The following CDH13 variants were observed in gnomAD, a reference collection of about 807,000 sequenced individuals.
CDH13 encodes cadherin 13.
In CDH13, 24 loss-of-function variants were observed where a neutral mutation model predicts 63.8. The observed-to-expected ratio is 0.38, with a 90% CI of 0.27 to 0.53. The LOEUF (loss-of-function observed/expected upper bound fraction) is 0.53. Ranked by LOEUF, CDH13 falls within the 20% of genes least tolerant of loss-of-function variation. The pLI is 0.85. For missense variants in CDH13, 1,049 were observed against 903.1 expected, an observed-to-expected ratio of 1.16 and a Z score of -2.07; for synonymous variants, 503 against 355.3, an observed-to-expected ratio of 1.42 and a Z score of -4.67.
At position 82,851,708 on chromosome 16, in the gene CDH13, C is replaced by G. The variant is rs145585185; in HGVS notation, c.46-6654C>G. Among the ~76,000 whole-genome samples the G allele has an allele frequency of 3.2e-3, 480 of 151,894 alleles. 6 individuals are homozygous for G. The highest frequency in any genetic ancestry group is 0.01 in the African/African-American group (434 of 41,444). On this transcript the variant is annotated intron_variant, in intron 1 of 13. Transcript: ENST00000567109. ...GTGTGTGTGTGTGTGTGTGCATGCA[C>G]ATGTCCTGGAATGCTCCATTCCTCC...
chr16:82,931,513 C>CTTTTTT (rs11442675), intron 2 of CDH13, among the ~76,000 whole-genome samples: 70 of 144,394 alleles, frequency 4.8e-4, no homozygotes, highest in African/African-American at 1.8e-3. Flanking sequence ...AGGTCCCCCC[C>CTTTTTT]TTTTTTTTTT....
chr16:82,978,912 A>G (rs1909888155), intron 2 of CDH13, among the ~76,000 whole-genome samples: 1 of 152,134 alleles, frequency 6.6e-6, no homozygotes, highest in Non-Finnish European at 1.5e-5. Flanking sequence ...TGGAAAAGCC[A>G]CAGACACTCA....
chr16:82,802,131 C>G (rs751114074), intron 1 of CDH13, among the ~76,000 whole-genome samples: 19 of 152,100 alleles, frequency 1.2e-4, no homozygotes, highest in Non-Finnish European at 2.4e-4. Flanking sequence ...TGGTTGGAGC[C>G]TGCTTCTAAG....
intron 5 of CDH13, among the ~76,000 whole-genome samples, chr16:83,234,248 C>G (rs1014950528): frequency 6.6e-6 from 1 of 152,120 alleles, no homozygotes; most frequent in African/African-American, 2.4e-5. Flanking sequence ...TAAATGTTAC[C>G]TAGGTGCTTT....
intron 9 of CDH13, among the ~76,000 whole-genome samples, chr16:83,672,409 C>CTT (rs34156503): frequency 0.034 from 1,209 of 35,098 alleles, 286 homozygotes; most frequent in Admixed American, 0.037. Context: ...TCTGGATTCT[C>CTT]TTTTTTTTTT....
intron 2 of CDH13, among the ~76,000 whole-genome samples, chr16:83,030,446 A>C (rs951796795): frequency 6.6e-6 from 1 of 151,968 alleles, no homozygotes; most frequent in Non-Finnish European, 1.5e-5. Flanking sequence ...GTTCGAGACC[A>C]GTCTGGCCAA....
chr16:83,781,866 A>G (rs1915547004), intron 12 of CDH13, among the ~76,000 whole-genome samples: 1 of 151,858 alleles, frequency 6.6e-6, no homozygotes, highest in East Asian at 1.9e-4. Context: ...GCAAATCACC[A>G]TGGCACATGT....
intron 7 of CDH13, among the ~76,000 whole-genome samples, chr16:83,499,810 C>CT (rs5818449): frequency 0.98 from 147,733 of 151,376 alleles, 72,184 homozygotes; most frequent in East Asian, 1. Flanking sequence ...TTCTGTTAAT[C>CT]TTTTTTTTTG....
chr16:83,224,359 G>A (rs1331062259), intron 5 of CDH13, among the ~76,000 whole-genome samples: 2 of 152,214 alleles, frequency 1.3e-5, no homozygotes, highest in African/African-American at 4.8e-5. Flanking sequence ...TTTCCTCTGT[G>A]TAGATACTCA....
chr16:83,346,744 C>T (rs1264751565), intron 6 of CDH13, among the ~76,000 whole-genome samples: 1 of 152,092 alleles, frequency 6.6e-6, no homozygotes, highest in African/African-American at 2.4e-5. Context: ...GTTCTTTTTG[C>T]ACATTGAATT....
chr16:83,457,640 G>A (rs746023925), intron 6 of CDH13, among the ~76,000 whole-genome samples: 2 of 152,112 alleles, frequency 1.3e-5, no homozygotes, highest in Non-Finnish European at 2.9e-5. Context: ...GGCAGACTCT[G>A]CTTTAGAGAG....
chr16:82,677,160 G>T (rs560202090), intron 1 of CDH13, among the ~76,000 whole-genome samples: 1 of 152,210 alleles, frequency 6.6e-6, no homozygotes, highest in Non-Finnish European at 1.5e-5. Flanking sequence ...GGAATTATAG[G>T]AGTGAGCCAC....
At chr16:83,242,350 G>A (rs1012632322) in intron 5 of CDH13, among the ~76,000 whole-genome samples, 1 of 152,204 alleles carries the variant, frequency 6.6e-6, no homozygotes, top group African/African-American at 2.4e-5. Context: ...GAGAGACACA[G>A]GTACTCTGAA....
intron 1 of CDH13, among the ~76,000 whole-genome samples, chr16:82,749,244 C>T (rs367942648): frequency 6.6e-6 from 1 of 152,108 alleles, no homozygotes; most frequent in African/African-American, 2.4e-5. Flanking sequence ...TCCCTGGATC[C>T]AGCTGTACCT....
At chr16:83,600,510 A>G (rs146163440) in intron 7 of CDH13, among the ~76,000 whole-genome samples, 47 of 152,372 alleles carry the variant, frequency 3.1e-4, no homozygotes, top group African/African-American at 1.1e-3. Flanking sequence ...TGAGAGAGCT[A>G]GCGTTGAGCT....
chr16:82,733,242 C>G (rs372027895), intron 1 of CDH13, among the ~76,000 whole-genome samples: 7 of 152,288 alleles, frequency 4.6e-5, no homozygotes, highest in East Asian at 3.9e-4. Context: ...CTGGTCCTCC[C>G]CATTGCATTG....
chr16:82,844,030 G>C (rs2039144465), intron 1 of CDH13, among the ~76,000 whole-genome samples: 1 of 152,170 alleles, frequency 6.6e-6, no homozygotes, highest in African/African-American at 2.4e-5. Flanking sequence ...GCTTCTCATG[G>C]GCTGTGGTAG....
chr16:83,615,257 C>G (rs994695130), intron 8 of CDH13, among the ~76,000 whole-genome samples: 8 of 152,100 alleles, frequency 5.3e-5, no homozygotes, highest in Non-Finnish European at 1.2e-4. Context: ...ATCAGATGCA[C>G]TTGTGTCTAA....
intron 13 of CDH13, among the ~76,000 whole-genome samples, chr16:83,789,275 C>T (rs938599559): frequency 2.0e-5 from 3 of 151,970 alleles, no homozygotes; most frequent in Non-Finnish European, 4.4e-5. Context: ...GAGCTTAAAC[C>T]CTTAAGCAAG....
Sources: gnomAD v4.1 joint callset for allele counts (sites outside exome capture counted in the v4.1 genomes callset) on GRCh38, gnomAD v4.1.1 for gene constraint, MANE v1.5 for transcripts, NCBI Gene and HGNC (gene_info 2026-07-23, HGNC 2026-07-21) for gene names.